Variants in DCDC1 observed in about 807,000 individuals in gnomAD.
DCDC1 encodes doublecortin domain containing 1, also known as doublecortin domain-containing protein 1.
DCDC1 carries 200 observed loss-of-function variants against 178.3 expected under a neutral mutation model. The observed-to-expected ratio is 1.12, with a 90% CI of 1.00 to 1.26. The LOEUF (loss-of-function observed/expected upper bound fraction) is 1.26, where lower values mean the gene tolerates loss of function less well. DCDC1 is among the 50% of genes most tolerant of loss of function. The pLI, the probability that DCDC1 is intolerant of heterozygous loss-of-function variation, is 0.00. For missense variants in DCDC1, 1,983 were observed against 1,749.2 expected (o/e 1.13, Z -2.38); for synonymous variants, 690 against 604.8 (o/e 1.14, Z -2.07).
intron 9 of DCDC1, among the ~76,000 whole-genome samples, chr11:31,157,199 C>T (rs1344486917): frequency 1.3e-5 from 2 of 150,160 alleles, no homozygotes; most frequent in South Asian, 4.2e-4. Context: ...GGCAACAAAG[C>T]AAGATTCCCT....
intron 7 of DCDC1, among the ~76,000 whole-genome samples, chr11:31,268,516 C>T (rs1001211349): frequency 1.3e-4 from 20 of 152,222 alleles, no homozygotes; most frequent in Admixed American, 1.3e-4. Flanking sequence ...GGATAATGGG[C>T]GTCCAGCTGC....
At chr11:31,082,487 C>A (rs913716347) in intron 17 of DCDC1, among the ~76,000 whole-genome samples, 2 of 151,926 alleles carry the variant, frequency 1.3e-5, no homozygotes, top group African/African-American at 4.8e-5. Context: ...AGTAGTGTAA[C>A]CCTATTAAGC....
intron 9 of DCDC1, among the ~76,000 whole-genome samples, chr11:31,151,657 C>A (rs979870610): frequency 1.3e-5 from 2 of 152,064 alleles, no homozygotes; most frequent in Non-Finnish European, 2.9e-5. Flanking sequence ...AGACATTTTC[C>A]TAGGCACATG....
At chr11:31,252,314 T>C (rs911340315) in intron 8 of DCDC1, among the ~76,000 whole-genome samples, 2 of 152,102 alleles carry the variant, frequency 1.3e-5, no homozygotes, top group African/African-American at 2.4e-5. Flanking sequence ...TAAATAAAAA[T>C]CTTAGAGGTA....
At chr11:31,069,256 T>C (rs1472528156) in intron 18 of DCDC1, among the ~76,000 whole-genome samples, 3 of 152,134 alleles carry the variant, frequency 2.0e-5, no homozygotes, top group African/African-American at 7.2e-5. Context: ...TTCAGATAAT[T>C]TTGGAACGAG....
At chr11:31,162,708 A>C (rs754120392) in intron 9 of DCDC1, among the ~76,000 whole-genome samples, 24 of 152,160 alleles carry the variant, frequency 1.6e-4, no homozygotes, top group Non-Finnish European at 2.9e-4. Flanking sequence ...CCAGCAATGT[A>C]TTTCTGAAGA....
rs571773392 is a variant in DCDC1, at chr11:31,236,647, G to GA, written c.1221+4802dup. 2.9e-3 allele frequency among the ~76,000 whole-genome samples: 421 copies of GA among 147,102 alleles called. 2 individuals are homozygous for GA. Among genetic ancestry groups the GA allele is most frequent in the African/African-American group, 9.3e-3 (376 of 40,328 alleles). ...TAACTAGAATGCAGCTTGGTTTCAG[G>GA]AAAAAAAAAATCAACAATCACTCAA... On this transcript the variant is annotated intron_variant, in intron 9 of 38. Transcript: ENST00000684477.
At chr11:31,055,141 GAAA>G (rs777822349) in intron 20 of DCDC1, among the ~76,000 whole-genome samples, 20 of 151,660 alleles carry the variant, frequency 1.3e-4, no homozygotes, top group Non-Finnish European at 2.2e-4. Flanking sequence ...ACATCAGTAA[GAAA>G]AAAACAAACA....
At chr11:30,883,439 C>T (rs1421919586) in intron 36 of DCDC1, 1 of 456,254 alleles carries the variant, frequency 2.2e-6, no homozygotes, top group Non-Finnish European at 4.5e-6. Context: ...AATACATTAA[C>T]CTTAAGCAGT....
intron 6 of DCDC1, among the ~76,000 whole-genome samples, chr11:31,301,917 T>C (rs1183452959): frequency 1.3e-5 from 2 of 152,174 alleles, no homozygotes; most frequent in Non-Finnish European, 2.9e-5. Flanking sequence ...AGAACTCCTT[T>C]CATGCATTTT....
chr11:30,909,568 A>G (rs984513771), intron 28 of DCDC1, among the ~76,000 whole-genome samples: 3 of 152,122 alleles, frequency 2.0e-5, no homozygotes, highest in African/African-American at 7.2e-5. Context: ...TGCCAATAAA[A>G]AAATCATTTT....
intron 3 of DCDC1, among the ~76,000 whole-genome samples, chr11:31,309,970 A>G (rs1053559651): frequency 6.6e-6 from 1 of 152,060 alleles, no homozygotes; most frequent in Non-Finnish European, 1.5e-5. Flanking sequence ...TGGGCTGTCT[A>G]TCATTTTTGT....
At chr11:31,278,580 T>C (rs923725336) in intron 7 of DCDC1, among the ~76,000 whole-genome samples, 3 of 152,070 alleles carry the variant, frequency 2.0e-5, no homozygotes, top group Non-Finnish European at 4.4e-5. Flanking sequence ...GAGGTATAAG[T>C]TCAAGAGAAT....
At chr11:31,333,711 C>T (rs1354130409) in intron 2 of DCDC1, among the ~76,000 whole-genome samples, 1 of 152,158 alleles carries the variant, frequency 6.6e-6, no homozygotes, top group South Asian at 2.1e-4. Context: ...TTGGACCCCA[C>T]ACTCTTCTGG....
chr11:31,306,201 A>T (rs1246730578), intron 5 of DCDC1, 31 bp downstream of exon 5: 1 of 1,438,448 alleles, frequency 7.0e-7, no homozygotes, highest in Non-Finnish European at 9.2e-7. Context: ...GAAAAAAAAT[A>T]AAGCACAGAA....
chr11:31,248,524 C>T (rs1046277012), intron 8 of DCDC1, among the ~76,000 whole-genome samples: 6 of 151,754 alleles, frequency 4.0e-5, no homozygotes, highest in African/African-American at 1.5e-4. Flanking sequence ...ATAATAATAC[C>T]CAGAACAAAC....
chr11:31,079,042 T>C (rs1957025848), intron 17 of DCDC1, among the ~76,000 whole-genome samples: 1 of 152,018 alleles, frequency 6.6e-6, no homozygotes, highest in Admixed American at 6.5e-5. Context: ...TCCCTTGACA[T>C]TCCTTGAGTG....
At chr11:31,011,105 A>G (rs1281329856) in intron 20 of DCDC1, among the ~76,000 whole-genome samples, 2 of 152,174 alleles carry the variant, frequency 1.3e-5, no homozygotes, top group Admixed American at 6.5e-5. Context: ...TGCTGCAACA[A>G]TTAATTCAAC....
intron 38 of DCDC1, among the ~76,000 whole-genome samples, chr11:30,872,079 T>C (rs1941634777): frequency 6.6e-6 from 1 of 152,050 alleles, no homozygotes; most frequent in Non-Finnish European, 1.5e-5. Context: ...CCCAACTCCT[T>C]AGCACTACGT....
Sources: gnomAD v4.1 joint callset for allele counts (sites outside exome capture counted in the v4.1 genomes callset) on GRCh38, gnomAD v4.1.1 for gene constraint, MANE v1.5 for transcripts, NCBI Gene and HGNC (gene_info 2026-07-23, HGNC 2026-07-21) for gene names.